Variants in RALGPS2 observed in about 807,000 individuals in gnomAD.
RALGPS2 encodes the protein Ral GEF with PH domain and SH3 binding motif 2, also known as ras-specific guanine nucleotide-releasing factor RalGPS2.
Under a neutral mutation model 86.8 loss-of-function variants are expected in RALGPS2, and 43 were observed. The ratio of observed to expected loss-of-function variants is 0.50; its 90% CI spans 0.39 to 0.64. The LOEUF (loss-of-function observed/expected upper bound fraction) is 0.64. Among genes scored for constraint, RALGPS2 ranks in the 30% least tolerant of loss-of-function variants. RALGPS2 has a pLI of 0.00. For missense variants in RALGPS2, 536 were observed against 694.6 expected (o/e 0.77, Z 2.57); for synonymous variants, 243 against 231.3 (o/e 1.05, Z -0.46).
intron 8 of RALGPS2, among the ~76,000 whole-genome samples, chr1:178,847,167 C>T (rs568953647): frequency 7.2e-5 from 11 of 152,132 alleles, no homozygotes; most frequent in Admixed American, 4.6e-4. Flanking sequence ...AAAAAGTGGC[C>T]GGGCATGGTG....
chr1:178,767,535 C>T (rs769818458), intron 1 of RALGPS2, among the ~76,000 whole-genome samples: 1 of 152,002 alleles, frequency 6.6e-6, no homozygotes, highest in Non-Finnish European at 1.5e-5. Flanking sequence ...ATGTTCTGAT[C>T]CATGGGGCTC....
chr1:178,851,038 AT>A (rs1657139823), intron 8 of RALGPS2: 10 of 1,210,206 alleles, frequency 8.3e-6, no homozygotes, highest in Non-Finnish European at 1.1e-5. Flanking sequence ...GTAGAAATAA[AT>A]TGTGCCAAGT....
chr1:178,777,380 A>G (rs1308150229), intron 2 of RALGPS2, among the ~76,000 whole-genome samples: 1 of 152,012 alleles, frequency 6.6e-6, no homozygotes, highest in African/African-American at 2.4e-5. Context: ...CCACTGCTCA[A>G]GGAAATAAAA....
chr1:178,725,264 A>AGCGGCGGCG lies in RALGPS2; in HGVS notation c.-227_-219dup, dbSNP rs761548068. The AGCGGCGGCG allele has an allele frequency of 1.1e-3, 42 of 37,328 alleles. No individual in the cohort carries two copies. Among genetic ancestry groups the AGCGGCGGCG allele is most frequent in the South Asian group, 2.1e-3 (5 of 2,394 alleles). 2.3% of individuals were successfully genotyped at this position (37,328 alleles called of 1,614,324 possible). On this transcript the variant is annotated 5_prime_UTR_variant, in exon 1 of 20. Transcript: ENST00000367635. Reference sequence around the variant, plus strand: ...AGCTCACTCTCCTCCCCCGAGCGGCAGCGGCGGCGGCGGCGGCGGCTGCTG... The same window carrying AGCGGCGGCG: ...AGCTCACTCTCCTCCCCCGAGCGGCAGCGGCGGCGGCGGCGGCGGCGGCGGCGGCTGCTG...
In RALGPS2 at chr1:178,744,713, A is replaced by T. The variant is rs557829231; in HGVS notation, c.-84+19294A>T. Among the ~76,000 whole-genome samples, 11 of 150,240 alleles carry T rather than the reference A, an allele frequency of 7.3e-5. No homozygotes were observed. The South Asian group carries it at 2.1e-3, about 29-fold the overall frequency. On this transcript the variant is annotated intron_variant, in intron 1 of 19. Coordinates refer to ENST00000367635, the MANE Select transcript of RALGPS2 (RefSeq NM_152663.5). ...CTGCCTGTAATCCCAGCTACTCAGG[A>T]GGCTGAGGCAGGAGGATCACTTGAA...
intron 8 of RALGPS2, among the ~76,000 whole-genome samples, chr1:178,855,296 C>CTT (rs71677302): frequency 7.4e-6 from 1 of 135,908 alleles, no homozygotes. Flanking sequence ...AGGACAGAGA[C>CTT]TTTTTTTTTT....
At chr1:178,894,803 G>GT (rs1437040537) in intron 16 of RALGPS2, among the ~76,000 whole-genome samples, 1 of 151,950 alleles carries the variant, frequency 6.6e-6, no homozygotes, top group Non-Finnish European at 1.5e-5. Flanking sequence ...TAAATCATGT[G>GT]TTAAGGGTGC....
chr1:178,768,031 C>T (rs1652601286), intron 1 of RALGPS2, among the ~76,000 whole-genome samples: 1 of 152,202 alleles, frequency 6.6e-6, no homozygotes, highest in South Asian at 2.1e-4. Context: ...ATGTGAGCTA[C>T]TGTATCTGGC....
At chr1:178,896,914 A>G (rs1041346341) in intron 16 of RALGPS2, among the ~76,000 whole-genome samples, 3 of 150,922 alleles carry the variant, frequency 2.0e-5, no homozygotes, top group South Asian at 2.1e-4. Flanking sequence ...TAATGCCGCA[A>G]TAAACATACG....
chr1:178,808,345 A>G (rs908020712), intron 5 of RALGPS2, among the ~76,000 whole-genome samples: 16 of 151,952 alleles, frequency 1.1e-4, no homozygotes, highest in Non-Finnish European at 2.4e-4. Flanking sequence ...TTAACCTTAC[A>G]TATTTTCTCT....
intron 8 of RALGPS2, among the ~76,000 whole-genome samples, chr1:178,867,841 A>G (rs1411863206): frequency 1.3e-5 from 2 of 151,746 alleles, no homozygotes; most frequent in African/African-American, 4.8e-5. Context: ...GGTCATGTCA[A>G]TGAAATATAA....
intron 1 of RALGPS2, among the ~76,000 whole-genome samples, chr1:178,732,408 C>T (rs1253970110): frequency 6.6e-6 from 1 of 152,150 alleles, no homozygotes; most frequent in Non-Finnish European, 1.5e-5. Context: ...AGGTGGTTCT[C>T]CTGCCTCAGC....
intron 12 of RALGPS2, 32 bp downstream of exon 12, chr1:178,885,243 T>G: frequency 1.3e-6 from 2 of 1,583,512 alleles, no homozygotes; most frequent in Non-Finnish European, 1.7e-6. Context: ...TTTCAAATTT[T>G]TAAGTCTTTT....
chr1:178,753,988 C>A (rs7511683), intron 1 of RALGPS2, among the ~76,000 whole-genome samples: 6,485 of 151,978 alleles, frequency 0.043, 487 homozygotes, highest in African/African-American at 0.15. Flanking sequence ...CCCGCCACCA[C>A]GCCCGGCTAA....
chr1:178,773,877 A>G (rs928240497), intron 1 of RALGPS2, among the ~76,000 whole-genome samples: 1 of 152,210 alleles, frequency 6.6e-6, no homozygotes, highest in African/African-American at 2.4e-5. Context: ...GCTTTGCTAT[A>G]TTTTAAAATA....
chr1:178,853,369 T>C lies in RALGPS2; in HGVS notation c.607+19819T>C, dbSNP rs1657308947. 2.6e-5 allele frequency among the ~76,000 whole-genome samples: 4 copies of C among 152,302 alleles called. No individual in the cohort carries two copies. In the South Asian group the frequency reaches 8.3e-4, roughly 32 times the overall value. Reference sequence around the variant, plus strand: ...AGTAGTAAGTATAAGTCATCCAGACTGAAAGGGATCATTTAAAAGTATATC... The same window carrying C: ...AGTAGTAAGTATAAGTCATCCAGACCGAAAGGGATCATTTAAAAGTATATC... On this transcript the variant is annotated intron_variant, in intron 8 of 19. Coordinates refer to ENST00000367635, the MANE Select transcript of RALGPS2 (RefSeq NM_152663.5).
chr1:178,913,136 G>A (rs1246442574), intron 19 of RALGPS2, among the ~76,000 whole-genome samples: 1 of 152,108 alleles, frequency 6.6e-6, no homozygotes, highest in East Asian at 1.9e-4. Context: ...AGAAAAATTA[G>A]CTGGGCATGT....
At chr1:178,822,923 G>A (rs952236913) in intron 7 of RALGPS2, among the ~76,000 whole-genome samples, 4 of 152,128 alleles carry the variant, frequency 2.6e-5, no homozygotes, top group African/African-American at 9.7e-5. Flanking sequence ...GGGCTCAGAG[G>A]ATCCTCCAGC....
rs557971978 is a variant in RALGPS2 at position 178,785,675 on chromosome 1, A to G, written c.213+68A>G. The G allele has an allele frequency of 1.5e-5, 22 of 1,494,086 alleles. 2 individuals carry two copies. In the South Asian group the frequency reaches 2.5e-4, roughly 17 times the overall value. The allele number at this position is 1,494,086 out of a possible 1,614,324, so 92.6% of individuals were successfully genotyped here. On this transcript the variant is annotated intron_variant, in intron 4 of 19. Transcript: ENST00000367635. ...TCAATCTCAAATTAAGTGTTTTAGAAATGTCAAATTATACTTCATATTAAT... is the reference window on the plus strand; with the variant it reads ...TCAATCTCAAATTAAGTGTTTTAGAGATGTCAAATTATACTTCATATTAAT...
Sources: allele counts gnomAD v4.1 joint callset (sites outside exome capture counted in the v4.1 genomes callset), GRCh38; gene constraint gnomAD v4.1.1; transcripts MANE v1.5; gene names NCBI Gene and HGNC (gene_info 2026-07-23, HGNC 2026-07-21).